Variants in VEZT observed in about 807,000 individuals in gnomAD.
VEZT encodes the protein vezatin, adherens junctions transmembrane protein, also known as vezatin.
In VEZT, 39 loss-of-function variants were observed where a neutral mutation model predicts 79.9. The observed-to-expected ratio is 0.49, with a 90% CI of 0.38 to 0.64. The LOEUF (loss-of-function observed/expected upper bound fraction) is 0.64, where lower values mean the gene tolerates loss of function less well. Among genes scored for constraint, VEZT ranks in the 30% least tolerant of loss-of-function variants. The probability of loss-of-function intolerance (pLI) is 0.00; values close to 1 mark genes in which losing one functional copy is unlikely to be tolerated. For missense variants in VEZT, 837 were observed against 893.1 expected (o/e 0.94, Z 0.80); for synonymous variants, 325 against 327.6 (o/e 0.99, Z 0.09).
chr12:95,275,796 A>G (rs1233540812), intron 7 of VEZT: 1 of 152,202 alleles, frequency 6.6e-6, no homozygotes, highest in Non-Finnish European at 1.5e-5. Context: ...GTTGTATTTT[A>G]CAACGAATTG....
At chr12:95,231,710 G>C (rs774110212) in intron 1 of VEZT, among the ~76,000 whole-genome samples, 2 of 152,088 alleles carry the variant, frequency 1.3e-5, no homozygotes, top group Non-Finnish European at 2.9e-5. Context: ...GCTCCGAAAA[G>C]CATTTCCTAT....
In VEZT at chr12:95,296,176, C is replaced by G; in HGVS notation, c.1749C>G (p.Leu583=). 6.3e-7 allele frequency: 1 copy of G among 1,582,180 alleles called. No homozygotes were observed. Among genetic ancestry groups the G allele is most frequent in the South Asian group, 1.2e-5 (1 of 86,238 alleles). ...AGCATGAAGAATCCAAGAGGGTGCT[C>G]CAAGAATTAAAATCTGTGCTGGGAT... is the stretch of plus-strand genomic sequence containing the variant. The part of the protein sequence containing the change: ...KREHEESKRV[L]QELKSVLGFK... The change falls in exon 11 of 12, where the codon CTC becomes CTG. Residue 583 remains leucine, a synonymous_variant. Coordinates refer to ENST00000436874, the MANE Select transcript of VEZT (RefSeq NM_017599.4).
Position 95,270,175 on chromosome 12 carries a change from T to C in VEZT, c.835T>C (p.Tyr279His), listed in dbSNP as rs2066322175. The change falls in exon 6 of 12, where the codon TAT becomes CAT. Residue 279 changes from tyrosine to histidine, a missense_variant. Coordinates refer to ENST00000436874, the MANE Select transcript of VEZT (RefSeq NM_017599.4). ...CCAAGCAGCAAGGCTAGCTACCCTA[T>C]ATATGCTGAAAAAATATCCTTTTCT... ...NFQAARLATL[Y>H]MLKNYPLNSE... 1 of 1,604,288 alleles carries C rather than the reference T, an allele frequency of 6.2e-7. No homozygotes were observed.
At chr12:95,235,324 G>C (rs2059913782) in intron 1 of VEZT, among the ~76,000 whole-genome samples, 1 of 140,686 alleles carries the variant, frequency 7.1e-6, no homozygotes, top group South Asian at 2.4e-4. Context: ...GGGGCGGCTG[G>C]CCGGGCAGAG....
At position 95,287,674 on chromosome 12, in the gene VEZT, C is replaced by T. The variant is rs1226737744; in HGVS notation, c.1339C>T (p.Leu447Phe). The T allele has an allele frequency of 6.4e-7, 1 of 1,558,210 alleles. No individual in the cohort carries two copies. Among genetic ancestry groups the T allele is most frequent in the Middle Eastern group, 1.7e-4 (1 of 5,946 alleles). The change falls in exon 9 of 12, where the codon CTT becomes TTT. Residue 447 changes from leucine to phenylalanine, a missense_variant. By Grantham distance (22) the Leu-to-Phe change is conservative. Transcript: ENST00000436874. ...LKALLNEVII[L>F]EDELEKLVCT... ...TTCTTTATGACTCAGGGTAATAATT[C>T]TTGAAGATGAACTTGAAAAGCTTGT...
At chr12:95,256,547 C>A in intron 2 of VEZT, 1 of 1,280,636 alleles carries the variant, frequency 7.8e-7, no homozygotes, top group Non-Finnish European at 1.0e-6. Context: ...TGACCCTTTG[C>A]AGTACCTGGG....
intron 1 of VEZT, among the ~76,000 whole-genome samples, chr12:95,235,709 CG>C (rs1212229418): frequency 1.1e-4 from 17 of 148,140 alleles, no homozygotes; most frequent in Non-Finnish European, 1.5e-4. Context: ...GCTGGCCGGG[CG>C]GGGGGCTGAC....
chr12:95,227,768 A>G (rs2058701483), intron 1 of VEZT, among the ~76,000 whole-genome samples: 1 of 152,174 alleles, frequency 6.6e-6, no homozygotes, highest in African/African-American at 2.4e-5. Context: ...TTAAATTTTA[A>G]TTGCAGAAAC....
chr12:95,289,101 T>G (rs376093469), intron 9 of VEZT, among the ~76,000 whole-genome samples: 1 of 117,938 alleles, frequency 8.5e-6, no homozygotes, highest in Non-Finnish European at 1.9e-5. Flanking sequence ...AATAAATAAA[T>G]AAATAAATAA....
intron 2 of VEZT, among the ~76,000 whole-genome samples, chr12:95,254,385 C>T (rs945732085): frequency 4.4e-4 from 53 of 121,750 alleles, no homozygotes; most frequent in Admixed American, 1.4e-3. Context: ...CTCACTCTGT[C>T]GCCCAGGTTG....
intron 1 of VEZT, among the ~76,000 whole-genome samples, chr12:95,240,882 T>C (rs866760968): frequency 4.1e-4 from 63 of 152,182 alleles, no homozygotes; most frequent in African/African-American, 1.4e-3. Flanking sequence ...AAAAACAGGT[T>C]CTCAGCCTTA....
At chr12:95,230,195 G>C (rs943807552) in intron 1 of VEZT, among the ~76,000 whole-genome samples, 1 of 149,398 alleles carries the variant, frequency 6.7e-6, no homozygotes, top group Admixed American at 6.7e-5. Context: ...ACTTCCTGTT[G>C]TTATTATTCC....
intron 1 of VEZT, chr12:95,224,179 G>C (rs986278777): frequency 2.2e-6 from 1 of 456,038 alleles, no homozygotes; most frequent in Admixed American, 2.3e-5. Context: ...GTTCCATTTA[G>C]GTTCGGCCAG....
intron 1 of VEZT, chr12:95,245,552 G>A (rs1251131385): frequency 2.2e-6 from 1 of 456,608 alleles, no homozygotes; most frequent in African/African-American, 2.0e-5. Flanking sequence ...AAGATGTTCA[G>A]TAAGTATTTA....
At chr12:95,246,305 T>C (rs2061712090) in intron 1 of VEZT, among the ~76,000 whole-genome samples, 1 of 152,092 alleles carries the variant, frequency 6.6e-6, no homozygotes, top group Non-Finnish European at 1.5e-5. Context: ...GTGTTTTTAG[T>C]AGAGACGGGG....
intron 9 of VEZT, chr12:95,290,589 A>G (rs989145578): frequency 6.6e-6 from 1 of 152,206 alleles, no homozygotes; most frequent in Non-Finnish European, 1.5e-5. Context: ...TAAGTTGGCA[A>G]AGGAACAGAA....
intron 1 of VEZT, among the ~76,000 whole-genome samples, chr12:95,248,237 T>A (rs893034359): frequency 6.6e-6 from 1 of 152,210 alleles, no homozygotes; most frequent in Non-Finnish European, 1.5e-5. Flanking sequence ...TGAGAAATTG[T>A]ATTTGCAGAA....
intron 3 of VEZT, among the ~76,000 whole-genome samples, chr12:95,259,922 T>G (rs558928959): frequency 6.6e-6 from 1 of 152,270 alleles, no homozygotes; most frequent in African/African-American, 2.4e-5. Context: ...GAAAGAAACT[T>G]AATTCATTAA....
intron 4 of VEZT, among the ~76,000 whole-genome samples, chr12:95,265,105 C>T (rs1336934995): frequency 6.6e-6 from 1 of 152,102 alleles, no homozygotes; most frequent in Non-Finnish European, 1.5e-5. Flanking sequence ...AAGTGGTCCT[C>T]CCACCTGTGC....
Sources: gnomAD v4.1 joint callset for allele counts (sites outside exome capture counted in the v4.1 genomes callset) on GRCh38, gnomAD v4.1.1 for gene constraint, MANE v1.5 for transcripts, NCBI Gene and HGNC (gene_info 2026-07-23, HGNC 2026-07-21) for gene names.